Variants in PBX3 observed in about 807,000 individuals in gnomAD.
The protein encoded by PBX3 is pre-B-cell leukemia transcription factor 3.
A neutral mutation model predicts 48.5 loss-of-function variants in PBX3; 14 were observed. The observed-to-expected ratio is 0.29, with a 90% CI of 0.19 to 0.45. The LOEUF is 0.45. PBX3 is among the 20% of genes least tolerant of loss of function. The pLI, the probability that PBX3 is intolerant of heterozygous loss-of-function variation, is 1.00. For missense variants in PBX3, 386 were observed against 546.7 expected, an observed-to-expected ratio of 0.71 and a Z score of 2.93; for synonymous variants, 210 against 200.3, an observed-to-expected ratio of 1.05 and a Z score of -0.41.
At chr9:125,833,219 C>G (rs970811679) in intron 2 of PBX3, among the ~76,000 whole-genome samples, 2 of 152,112 alleles carry the variant, frequency 1.3e-5, no homozygotes, top group African/African-American at 4.8e-5. Flanking sequence ...GGCGTGGTGA[C>G]TCATGCCTGT....
intron 2 of PBX3, among the ~76,000 whole-genome samples, chr9:125,825,296 A>C (rs1047240807): frequency 2.0e-5 from 3 of 152,134 alleles, no homozygotes; most frequent in African/African-American, 7.2e-5. Flanking sequence ...GCAAAAAAAA[A>C]CAATTATTGA....
At chr9:125,780,117 C>T (rs1205271134) in intron 2 of PBX3, among the ~76,000 whole-genome samples, 1 of 138,512 alleles carries the variant, frequency 7.2e-6, no homozygotes, top group African/African-American at 2.7e-5. Context: ...AGAGGGGCTC[C>T]TCACTTCCCA....
chr9:125,779,752 C>T (rs1837191227), intron 2 of PBX3, among the ~76,000 whole-genome samples: 2 of 148,100 alleles, frequency 1.4e-5, no homozygotes, highest in Non-Finnish European at 3.0e-5. Context: ...GTCATCCCGG[C>T]CCGTTCTCAA....
intron 2 of PBX3, among the ~76,000 whole-genome samples, chr9:125,906,720 C>T (rs1265822929): frequency 6.6e-6 from 1 of 151,618 alleles, no homozygotes; most frequent in Non-Finnish European, 1.5e-5. Flanking sequence ...TGTTTCTGAC[C>T]AAAAATTTTG....
chr9:125,958,703 T>C (rs1842362425), intron 5 of PBX3, among the ~76,000 whole-genome samples: 1 of 152,102 alleles, frequency 6.6e-6, no homozygotes. Context: ...CTTAGACCCA[T>C]TGAATTGGAA....
At chr9:125,915,075 A>C (rs1456628821) in intron 2 of PBX3, among the ~76,000 whole-genome samples, 1 of 152,202 alleles carries the variant, frequency 6.6e-6, no homozygotes, top group African/African-American at 2.4e-5. Context: ...GCAATTGCTT[A>C]ACAATATTCA....
intron 2 of PBX3, among the ~76,000 whole-genome samples, chr9:125,806,098 A>G (rs1838117122): frequency 6.6e-6 from 1 of 152,226 alleles, no homozygotes; most frequent in Admixed American, 6.5e-5. Context: ...AAAATGTTTA[A>G]TAGGTGACTA....
chr9:125,779,349 T>C (rs1457584600), intron 2 of PBX3, among the ~76,000 whole-genome samples: 13 of 139,568 alleles, frequency 9.3e-5, no homozygotes, highest in East Asian at 2.1e-4. Flanking sequence ...GAGGGAAGGT[T>C]GGCAGATAAA....
At chr9:125,824,155 A>G (rs1564675300) in intron 2 of PBX3, among the ~76,000 whole-genome samples, 1 of 152,224 alleles carries the variant, frequency 6.6e-6, no homozygotes, top group Non-Finnish European at 1.5e-5. Flanking sequence ...TCTGTATACA[A>G]CTACTATTAT....
intron 2 of PBX3, among the ~76,000 whole-genome samples, chr9:125,792,154 A>G (rs1466370685): frequency 6.6e-6 from 1 of 152,184 alleles, no homozygotes; most frequent in Admixed American, 6.5e-5. Context: ...TAGGAAAAGA[A>G]TACTGTGGGA....
At chr9:125,869,535 A>G (rs1222141520) in intron 2 of PBX3, among the ~76,000 whole-genome samples, 1 of 152,212 alleles carries the variant, frequency 6.6e-6, no homozygotes, top group Non-Finnish European at 1.5e-5. Flanking sequence ...GAAAAGAGCA[A>G]CAATGAATAA....
chr9:125,896,600 T>C (rs956693417), intron 2 of PBX3, among the ~76,000 whole-genome samples: 1 of 152,108 alleles, frequency 6.6e-6, no homozygotes, highest in Non-Finnish European at 1.5e-5. Context: ...TTGGCTGTTA[T>C]GGTTAGGATG....
intron 5 of PBX3, among the ~76,000 whole-genome samples, chr9:125,940,389 CTG>C (rs1207580725): frequency 7.9e-5 from 12 of 152,172 alleles, no homozygotes; most frequent in Non-Finnish European, 1.8e-4. Flanking sequence ...TTTAAAAAGA[CTG>C]TTTCCATTCG....
At chr9:125,885,290 T>C (rs1234485286) in intron 2 of PBX3, among the ~76,000 whole-genome samples, 1 of 152,190 alleles carries the variant, frequency 6.6e-6, no homozygotes, top group Non-Finnish European at 1.5e-5. Context: ...TCCTTTATGG[T>C]TTGTGATCAT....
chr9:125,778,906 C>T (rs953209035), intron 2 of PBX3, among the ~76,000 whole-genome samples: 1 of 135,452 alleles, frequency 7.4e-6, no homozygotes, highest in Non-Finnish European at 1.6e-5. Context: ...AAAAGATATA[C>T]ATCACAAAAA....
chr9:125,832,927 G>A (rs116944248), intron 2 of PBX3, among the ~76,000 whole-genome samples: 3,258 of 152,290 alleles, frequency 0.021, 46 homozygotes, highest in Non-Finnish European at 0.032. Flanking sequence ...AATGTCATCT[G>A]TGGTTTATTA....
At position 125,920,200 on chromosome 9, in the gene PBX3, C is replaced by T. The variant is rs144007895; in HGVS notation, c.516+4273C>T. Among the ~76,000 whole-genome samples the T allele has an allele frequency of 3.9e-5, 6 of 152,310 alleles. No homozygotes were observed. In the East Asian group the frequency reaches 7.7e-4, roughly 20 times the overall value. Reference sequence around the variant, plus strand: ...TGCGGCAAACTGTCTTATAGTACTTCGTCTTGGGTACATTGCCTCGCTTTT... The same window carrying T: ...TGCGGCAAACTGTCTTATAGTACTTTGTCTTGGGTACATTGCCTCGCTTTT... On this transcript the variant is annotated intron_variant, in intron 3 of 8. Coordinates refer to ENST00000373489, the MANE Select transcript of PBX3 (RefSeq NM_006195.6).
intron 2 of PBX3, among the ~76,000 whole-genome samples, chr9:125,793,951 G>T: frequency 6.6e-6 from 1 of 152,144 alleles, no homozygotes; most frequent in East Asian, 1.9e-4. Context: ...TACAGAGAGA[G>T]TAATGTTATA....
chr9:125,926,533 G>A (rs933088723), intron 3 of PBX3, among the ~76,000 whole-genome samples: 1 of 150,700 alleles, frequency 6.6e-6, no homozygotes, highest in East Asian at 2.0e-4. Flanking sequence ...AATAGGCCAG[G>A]TGCTATTTAT....
Sources: allele counts gnomAD v4.1 joint callset (sites outside exome capture counted in the v4.1 genomes callset), GRCh38; gene constraint gnomAD v4.1.1; transcripts MANE v1.5; gene names NCBI Gene and HGNC (gene_info 2026-07-23, HGNC 2026-07-21).